The following TJP1 variants were observed in gnomAD, a reference collection of about 807,000 sequenced individuals.
TJP1 encodes the protein tight junction protein 1, also known as tight junction protein ZO-1.
In TJP1, 43 loss-of-function variants were observed where a neutral mutation model predicts 194.2. The observed-to-expected ratio is 0.22, with a 90% CI of 0.17 to 0.29. The LOEUF (loss-of-function observed/expected upper bound fraction) is 0.29. TJP1 is among the 10% of genes least tolerant of loss of function. The pLI is 1.00. For synonymous variants in TJP1, 801 were observed against 779.0 expected (o/e 1.03, Z -0.47); for missense variants, 1,971 against 2,185.7 (o/e 0.90, Z 1.96).
intron 2 of TJP1, among the ~76,000 whole-genome samples, chr15:29,953,912 G>A (rs1415072105): frequency 2.0e-5 from 3 of 152,130 alleles, no homozygotes; most frequent in African/African-American, 7.2e-5. Context: ...CATCGTCCAT[G>A]AAGCCAAGGG....
rs2041534397 is a variant in TJP1, at chr15:29,701,449, C to CA, written c.*145dup. ...TCCGACCATGGTTCAGGGGCATGCT[C>CA]ACTCATCTTTATCAGTTCAAACAAA... On this transcript the variant is annotated 3_prime_UTR_variant, in exon 28 of 28. Coordinates refer to ENST00000614355, the MANE Select transcript of TJP1 (RefSeq NM_001330239.4). The CA allele has an allele frequency of 1.6e-6, 1 of 619,834 alleles. No homozygotes were observed. Among genetic ancestry groups the CA allele is most frequent in the African/African-American group, 1.8e-5 (1 of 54,530 alleles). 38.4% of individuals were successfully genotyped at this position (619,834 alleles called of 1,614,324 possible). A position where few individuals can be genotyped will look rare whatever the true frequency, so the allele number is the denominator to read the frequency against.
chr15:29,732,913 C>G (rs1322713299), intron 13 of TJP1, 98 bp from the exon 14 acceptor site: 2 of 1,294,422 alleles, frequency 1.5e-6, no homozygotes, highest in Non-Finnish European at 2.1e-6. Context: ...GATGGAAGTT[C>G]ACATACAGTT....
chr15:29,719,085 C>T lies in TJP1; in HGVS notation c.3057G>A (p.Leu1019=), dbSNP rs772837586. 6.2e-7 allele frequency: 1 copy of T among 1,614,084 alleles called. No homozygotes were observed. The highest frequency in any genetic ancestry group is 1.7e-5 in the Admixed American group (1 of 60,020). Residue 1019 remains leucine, a synonymous_variant, in exon 21 of 28, where the codon TTG becomes TTA. Coordinates refer to ENST00000614355, the MANE Select transcript of TJP1 (RefSeq NM_001330239.4). The part of the protein sequence containing the change: ...PEEMMRQNHV[L]KQPAVSHPGH... ...CTGGGTGACTAACGGCTGGCTGTTT[C>T]AAAACATGGTTCTGCCTCATCATTT...
At chr15:29,879,869 C>T (rs1157091751) in intron 2 of TJP1, among the ~76,000 whole-genome samples, 1 of 152,086 alleles carries the variant, frequency 6.6e-6, no homozygotes, top group Non-Finnish European at 1.5e-5. Flanking sequence ...TGCCACCAAG[C>T]CCAGCTAATT....
At chr15:29,715,272 G>A (rs563568380) in intron 23 of TJP1, among the ~76,000 whole-genome samples, 45 of 152,052 alleles carry the variant, frequency 3.0e-4, no homozygotes, top group African/African-American at 1.1e-3. Flanking sequence ...TGTGCTAAGG[G>A]GTGGTTCACA....
rs141190320 is a variant in TJP1, at chr15:29,704,469, AT to A, written c.5069-165del. ...AAACGTAACAGCAGCCACATATGGA[AT>A]CTTAAATTTCCCAGTAGCCACGTTA... On this transcript the variant is annotated intron_variant, in intron 26 of 27. Coordinates refer to ENST00000614355, the MANE Select transcript of TJP1 (RefSeq NM_001330239.4). 2.3e-3 allele frequency among the ~76,000 whole-genome samples: 347 copies of A among 152,376 alleles called. 3 individuals carry two copies. The highest frequency in any genetic ancestry group is 7.9e-3 in the African/African-American group (327 of 41,592).
intron 2 of TJP1, among the ~76,000 whole-genome samples, chr15:29,919,483 G>A (rs1567196658): frequency 6.6e-6 from 1 of 152,204 alleles, no homozygotes; most frequent in Non-Finnish European, 1.5e-5. Flanking sequence ...TCCTGTCCTG[G>A]TGCAGTTTTC....
At chr15:29,915,034 G>A (rs1289423161) in intron 2 of TJP1, among the ~76,000 whole-genome samples, 1 of 152,160 alleles carries the variant, frequency 6.6e-6, no homozygotes. Context: ...CTCTGGAAAT[G>A]CATGATGGAG....
chr15:29,821,787 C>T (rs1453728560), intron 1 of TJP1, among the ~76,000 whole-genome samples: 2 of 148,872 alleles, frequency 1.3e-5, no homozygotes, highest in Admixed American at 6.7e-5. Flanking sequence ...CAGCCCCCTC[C>T]CCGGCCGCCC....
chr15:29,934,591 A>T (rs117364709), intron 2 of TJP1, among the ~76,000 whole-genome samples: 289 of 152,322 alleles, frequency 1.9e-3, no homozygotes, highest in Middle Eastern at 6.8e-3. Flanking sequence ...ATCCTCTGTC[A>T]TAAAGCCAAC....
intron 2 of TJP1, among the ~76,000 whole-genome samples, chr15:29,901,574 C>A (rs757998177): frequency 6.6e-6 from 1 of 152,170 alleles, no homozygotes; most frequent in African/African-American, 2.4e-5. Flanking sequence ...GTAATCCCAA[C>A]ACTTTGTGAG....
chr15:29,853,750 T>C (rs1194705445), intron 2 of TJP1, among the ~76,000 whole-genome samples: 1 of 152,234 alleles, frequency 6.6e-6, no homozygotes, highest in Non-Finnish European at 1.5e-5. Flanking sequence ...TTCAAAGCTC[T>C]ATAAAATGCA....
intron 2 of TJP1, among the ~76,000 whole-genome samples, chr15:29,946,129 G>C (rs1464862652): frequency 6.6e-6 from 1 of 152,182 alleles, no homozygotes; most frequent in Non-Finnish European, 1.5e-5. Context: ...GGCTGAAGGA[G>C]CTCCCACTGT....
intron 2 of TJP1, among the ~76,000 whole-genome samples, chr15:29,837,862 G>A (rs1008542044): frequency 1.3e-5 from 2 of 152,110 alleles, no homozygotes; most frequent in Non-Finnish European, 2.9e-5. Context: ...CTCTTCTCAA[G>A]CGCACAATAC....
At chr15:29,837,764 A>G (rs527521494) in intron 2 of TJP1, among the ~76,000 whole-genome samples, 22 of 152,304 alleles carry the variant, frequency 1.4e-4, no homozygotes, top group Admixed American at 1.2e-3. Context: ...ACAGTGGGAT[A>G]TCTTTACTCT....
At chr15:29,869,209 T>C (rs2052408978) in intron 2 of TJP1, among the ~76,000 whole-genome samples, 1 of 152,168 alleles carries the variant, frequency 6.6e-6, no homozygotes, top group African/African-American at 2.4e-5. Flanking sequence ...GAACAGCGAA[T>C]GTGTGAGTAA....
In TJP1 at chr15:29,708,928, G is replaced by C; in HGVS notation, c.4481C>G (p.Ala1494Gly). ...TFRPPNREDTAQAAFYPQKSF... is the reference protein window; with the variant it reads ...TFRPPNREDTGQAAFYPQKSF... Reference sequence around the variant, plus strand: ...TTTCTGGGGATAGAAAGCTGCCTGAGCAGTATCTTCTCGGTTTGGTGGTCT... The same window carrying C: ...TTTCTGGGGATAGAAAGCTGCCTGACCAGTATCTTCTCGGTTTGGTGGTCT... The change falls in exon 25 of 28, where the codon GCT becomes GGT. Residue 1494 changes from alanine to glycine, a missense_variant. Physicochemically the swap from Ala to Gly is moderately conservative, Grantham distance 60 (BLOSUM62 0). Around this residue, in one of 5 missense-constraint regions of TJP1, gnomAD observed 1,108 missense variants for 1,128.5 expected, o/e 0.98. Transcript: ENST00000614355. The C allele has an allele frequency of 6.2e-7, 1 of 1,614,132 alleles. No individual in the cohort carries two copies. The highest frequency in any genetic ancestry group is 8.5e-7 in the Non-Finnish European group (1 of 1,180,034).
chr15:29,850,501 T>A (rs2051599285), intron 2 of TJP1, among the ~76,000 whole-genome samples: 1 of 151,862 alleles, frequency 6.6e-6, no homozygotes, highest in South Asian at 2.1e-4. Flanking sequence ...CATGCCCAGC[T>A]AATTTTTGTA....
intron 8 of TJP1, among the ~76,000 whole-genome samples, chr15:29,755,232 C>T (rs1365151313): frequency 1.3e-5 from 2 of 152,160 alleles, no homozygotes; most frequent in Non-Finnish European, 2.9e-5. Flanking sequence ...GTGTGGCAGG[C>T]TCTACCACCT....
Sources: gnomAD v4.1 joint callset for allele counts (sites outside exome capture counted in the v4.1 genomes callset) on GRCh38, gnomAD v4.1.1 for gene constraint, gnomAD v4.1.1 regional missense constraint, MANE v1.5 for transcripts, NCBI Gene and HGNC (gene_info 2026-07-23, HGNC 2026-07-21) for gene names.